PACRGL: variants seen among roughly 807,000 people sequenced by gnomAD.
PACRGL encodes the protein PACRG-like protein.
A neutral mutation model predicts 34.5 loss-of-function variants in PACRGL; 38 were observed. The ratio of observed to expected loss-of-function variants is 1.10; its 90% confidence interval spans 0.85 to 1.44. The LOEUF (loss-of-function observed/expected upper bound fraction) is 1.44, where lower values mean the gene tolerates loss of function less well. Ranked by LOEUF, PACRGL falls within the 40% of genes most tolerant of loss-of-function variation. The pLI, the probability that PACRGL is intolerant of heterozygous loss-of-function variation, is 0.00. For synonymous variants in PACRGL, 128 were observed against 100.1 expected (o/e 1.28, Z -1.66); for missense variants, 305 against 281.4 (o/e 1.08, Z -0.60).
chr4:20,756,515 C>G (rs13110433), downstream of PACRGL, among the ~76,000 whole-genome samples: 174 of 152,222 alleles, frequency 1.1e-3, no homozygotes, highest in Non-Finnish European at 2.1e-3. Context: ...TGGTATCTAC[C>G]CAGCACTATG....
intron 7 of PACRGL, among the ~76,000 whole-genome samples, chr4:20,722,745 T>C (rs1212359573): frequency 6.6e-6 from 1 of 152,068 alleles, no homozygotes; most frequent in African/African-American, 2.4e-5. Context: ...GGATACCCTA[T>C]CCAGGAGGAC....
chr4:20,759,039 C>T, the PACRGL span: 1 of 581,746 alleles, frequency 1.7e-6, no homozygotes, highest in Non-Finnish European at 3.0e-6. Context: ...TAAAAGCACA[C>T]TATAAACTTA....
rs561830924 is a variant in PACRGL, at chr4:20,712,866, C to T, written c.445C>T (p.Pro149Ser). 6.2e-7 allele frequency: 1 copy of T among 1,604,758 alleles called. No homozygotes were observed. The highest frequency in any genetic ancestry group is 8.5e-7 in the Non-Finnish European group (1 of 1,174,486). The part of the protein sequence containing the change: ...FRELLLVKGA[P>S]EKAIPLLPRL... ...AGAATTACTTTTGGTCAAAGGTGCT[C>T]CTGAAAAAGCTATTCCTTTGCTACC... Residue 149 changes from proline (P) to serine (S), a missense_variant, in exon 6 of 9, where the codon CCT becomes TCT. By Grantham distance (74) the Pro-to-Ser change is moderately conservative. Transcript: ENST00000503585.
Position 20,728,417 on chromosome 4 carries a change from T to TAGAC in PACRGL, c.*1078_*1081dup, listed in dbSNP as rs1421354744. The TAGAC allele has an allele frequency of 6.6e-6, 1 of 152,208 alleles. No homozygotes were observed. Among genetic ancestry groups the TAGAC allele is most frequent in the Non-Finnish European group, 1.5e-5 (1 of 68,036 alleles). The allele number at this position is 152,208 out of a possible 1,614,324, so 9.4% of individuals were successfully genotyped here. On this transcript the variant is annotated 3_prime_UTR_variant, in exon 9 of 9. Coordinates refer to ENST00000503585, the MANE Select transcript of PACRGL (RefSeq NM_001258345.3). ...TTTAAGAAGCTTTTAAAATATAATA[T>TAGAC]AGACATAGTTCAGAATTTTGATGTA...
chr4:20,741,361 A>C (rs1217095099), intron 8 of PACRGL, among the ~76,000 whole-genome samples: 1 of 152,252 alleles, frequency 6.6e-6, no homozygotes, highest in African/African-American at 2.4e-5. Context: ...CAGAAATTAT[A>C]ACAAACTGTC....
chr4:20,735,752 G>A (rs1006247492), downstream of PACRGL, among the ~76,000 whole-genome samples: 13 of 152,050 alleles, frequency 8.5e-5, no homozygotes, highest in Non-Finnish European at 1.6e-4. Context: ...GGCCAGGTTG[G>A]TGTCGAACTC....
chr4:20,707,731 A>T, intron 3 of PACRGL, 72 bp from the exon 4 acceptor site: 1 of 1,366,764 alleles, frequency 7.3e-7, no homozygotes, highest in South Asian at 1.2e-5. Context: ...TGGCGGTTTG[A>T]AAAGCAAAAT....
chr4:20,706,333 A>G (rs545434390), intron 3 of PACRGL, among the ~76,000 whole-genome samples: 25 of 152,304 alleles, frequency 1.6e-4, no homozygotes, highest in African/African-American at 6.0e-4. Flanking sequence ...GTAAGGGCCA[A>G]AAAGAAAGAT....
chr4:20,763,347 G>T, the PACRGL span, among the ~76,000 whole-genome samples: 65 of 152,270 alleles, frequency 4.3e-4, no homozygotes, highest in African/African-American at 1.5e-3. Flanking sequence ...ACAATCTTGG[G>T]TGAGTGTACA....
intron 1 of PACRGL, among the ~76,000 whole-genome samples, chr4:20,704,120 CAG>C (rs923153298): frequency 3.3e-5 from 5 of 152,260 alleles, no homozygotes; most frequent in African/African-American, 1.2e-4. Flanking sequence ...GAGAAGATGA[CAG>C]GGAATGTACC....
downstream of PACRGL, among the ~76,000 whole-genome samples, chr4:20,737,374 T>G: frequency 6.6e-6 from 1 of 151,726 alleles, no homozygotes; most frequent in Admixed American, 6.6e-5. Flanking sequence ...TCCAGTGGAG[T>G]AGGAGTGAAG....
downstream of PACRGL, among the ~76,000 whole-genome samples, chr4:20,756,582 A>G (rs1309927723): frequency 6.6e-6 from 1 of 151,688 alleles, no homozygotes; most frequent in Non-Finnish European, 1.5e-5. Context: ...TGCTGTCTCT[A>G]TTGGTTGTCG....
chr4:20,721,063 A>G (rs990043653), intron 7 of PACRGL, among the ~76,000 whole-genome samples: 4 of 151,754 alleles, frequency 2.6e-5, no homozygotes, highest in African/African-American at 9.7e-5. Flanking sequence ...TTCTCGCTTC[A>G]TTTCATTCAT....
chr4:20,735,434 G>A (rs1028302108), downstream of PACRGL, among the ~76,000 whole-genome samples: 7 of 151,314 alleles, frequency 4.6e-5, no homozygotes, highest in Admixed American at 2.0e-4. Flanking sequence ...GTAAGTTTTT[G>A]TTAAGTAAAT....
intron 1 of PACRGL, among the ~76,000 whole-genome samples, chr4:20,701,103 TCTTA>T (rs1173576927): frequency 2.0e-5 from 3 of 152,190 alleles, no homozygotes; most frequent in Admixed American, 6.5e-5. Context: ...TTAGTGGGGC[TCTTA>T]CTTACACGTT....
chr4:20,748,379 T>TA (rs1752821454), intron 8 of PACRGL, among the ~76,000 whole-genome samples: 1 of 151,876 alleles, frequency 6.6e-6, no homozygotes, highest in Admixed American at 6.6e-5. Context: ...GACTGTCCTT[T>TA]AGACAGTCCA....
intron 5 of PACRGL, among the ~76,000 whole-genome samples, chr4:20,711,488 G>A (rs917797367): frequency 5.3e-5 from 8 of 152,066 alleles, no homozygotes; most frequent in South Asian, 2.1e-4. Flanking sequence ...CCAAAATGAC[G>A]CCCATGTGCT....
At chr4:20,727,016 G>A (rs1044060618) in intron 8 of PACRGL, among the ~76,000 whole-genome samples, 6 of 152,080 alleles carry the variant, frequency 3.9e-5, no homozygotes, top group Non-Finnish European at 5.9e-5. Flanking sequence ...ATTAGTCCAG[G>A]TTTGACGAAT....
chr4:20,764,770 T>C, the PACRGL span, among the ~76,000 whole-genome samples: 1 of 151,868 alleles, frequency 6.6e-6, no homozygotes, highest in Non-Finnish European at 1.5e-5. Context: ...TTCTGAAAAT[T>C]ACCAGTGGAC....
Sources: gnomAD v4.1 joint callset for allele counts (sites outside exome capture counted in the v4.1 genomes callset) on GRCh38, gnomAD v4.1.1 for gene constraint, MANE v1.5 for transcripts, NCBI Gene and HGNC (gene_info 2026-07-23, HGNC 2026-07-21) for gene names.